NEK5: variants seen among roughly 807,000 people sequenced by gnomAD.
NEK5 encodes the protein NIMA related kinase 5, also known as serine/threonine-protein kinase Nek5.
Under a neutral mutation model 109.2 loss-of-function variants are expected in NEK5, and 88 were observed. The ratio of observed to expected loss-of-function variants is 0.81; its 90% CI spans 0.68 to 0.96. The LOEUF (loss-of-function observed/expected upper bound fraction) is 0.96. Ranked by LOEUF, NEK5 falls within the 40% of genes least tolerant of loss-of-function variation. The probability of loss-of-function intolerance (pLI) is 0.00; values close to 1 mark genes in which losing one functional copy is unlikely to be tolerated. For missense variants in NEK5, 834 were observed against 920.7 expected, an observed-to-expected ratio of 0.91 and a Z score of 1.22; for synonymous variants, 283 against 299.9, an observed-to-expected ratio of 0.94 and a Z score of 0.58.
At chr13:52,050,737 T>TTG (rs1355095380) in intron 22 of NEK5, among the ~76,000 whole-genome samples, 129 of 149,866 alleles carry the variant, frequency 8.6e-4, no homozygotes, top group African/African-American at 3.0e-3. Context: ...TTTTTTTTTT[T>TTG]GAGACAGAGT....
At chr13:52,083,216 C>T in intron 17 of NEK5, 44 bp downstream of exon 17, 1 of 1,327,340 alleles carries the variant, frequency 7.5e-7, no homozygotes. Flanking sequence ...TGGGGTAGAG[C>T]ACACACACTG....
In NEK5 at chr13:52,112,313, C is replaced by T; in HGVS notation, c.267G>A (p.Met89Ile). The T allele has an allele frequency of 6.2e-7, 1 of 1,611,834 alleles. No individual in the cohort carries two copies. The highest frequency in any genetic ancestry group is 8.5e-7 in the Non-Finnish European group (1 of 1,178,096). ...VMEYCDGGDL[M>I]KRINRQRGVL... ...CACCCCGTTGTCTATTGATCCTTTT[C>T]ATGAGATCCCCTCCATCACAATATT... Residue 89 changes from methionine (M) to isoleucine (I), a missense_variant, in exon 5 of 24, where the codon ATG becomes ATA. By Grantham distance (10) the Met-to-Ile change is conservative (BLOSUM62 1). Around this residue, in one of 2 missense-constraint regions of NEK5, gnomAD observed 777 missense variants for 824.7 expected, o/e 0.94. Transcript: ENST00000684899.
At chr13:52,127,112 G>A (rs192250228) in intron 3 of NEK5, among the ~76,000 whole-genome samples, 2 of 152,192 alleles carry the variant, frequency 1.3e-5, no homozygotes, top group African/African-American at 4.8e-5. Context: ...TCGAACTCCT[G>A]GCTTCACACA....
At chr13:52,060,270 A>T (rs1954600235) in intron 22 of NEK5, among the ~76,000 whole-genome samples, 1 of 152,228 alleles carries the variant, frequency 6.6e-6, no homozygotes. Flanking sequence ...TCAAAATATT[A>T]TAAAATGTGT....
At chr13:52,074,577 G>T (rs549634797) in intron 19 of NEK5, among the ~76,000 whole-genome samples, 23 of 152,118 alleles carry the variant, frequency 1.5e-4, no homozygotes, top group African/African-American at 4.3e-4. Flanking sequence ...CCTTGGGAAA[G>T]AATTTGTGAT....
chr13:52,118,112 A>G (rs1955897077), intron 4 of NEK5, among the ~76,000 whole-genome samples: 1 of 152,234 alleles, frequency 6.6e-6, no homozygotes, highest in Non-Finnish European at 1.5e-5. Context: ...CCTTGAATGT[A>G]GCGGTTTTAA....
intron 20 of NEK5, among the ~76,000 whole-genome samples, chr13:52,068,848 C>T (rs1276908382): frequency 4.0e-5 from 6 of 151,898 alleles, no homozygotes; most frequent in South Asian, 4.1e-4. Flanking sequence ...TGGCGCGCAC[C>T]TATGCCAGCT....
intron 23 of NEK5, among the ~76,000 whole-genome samples, chr13:52,039,138 G>A (rs61958804): frequency 0.56 from 84,544 of 152,000 alleles, 26,329 homozygotes; most frequent in Non-Finnish European, 0.7. Flanking sequence ...TAGGGAGAGA[G>A]AAGGAGAGAA....
At chr13:52,117,280 G>A (rs531858588) in intron 4 of NEK5, among the ~76,000 whole-genome samples, 1 of 152,154 alleles carries the variant, frequency 6.6e-6, no homozygotes, top group Admixed American at 6.5e-5. Flanking sequence ...AGAGATAAGC[G>A]ATTTGAGGGA....
chr13:52,051,807 A>C (rs1444260330), intron 22 of NEK5, among the ~76,000 whole-genome samples: 2 of 152,226 alleles, frequency 1.3e-5, no homozygotes, highest in Non-Finnish European at 2.9e-5. Flanking sequence ...CAATTTGCCC[A>C]CAGGGAAGTT....
In NEK5 at chr13:52,089,287, A is replaced by G. The variant is rs890999498; in HGVS notation, c.1235T>C (p.Phe412Ser). Residue 412 changes from phenylalanine to serine, a missense_variant, in exon 14 of 24, where the codon TTT becomes TCT. Transcript: ENST00000684899. ...TTTCAACTTATATTGTTGAGCTTCA[A>G]ATTTTCTCTGAAGGTACTCAGCAGG... ...QWPAEYLQRK[F>S]EAQQYKLKVE... is the part of the protein sequence containing the mutation. 9.3e-6 allele frequency: 15 copies of G among 1,609,244 alleles called. No individual in the cohort carries two copies. In the African/African-American group the frequency reaches 1.3e-4, roughly 14 times the overall value.
chr13:52,091,875 T>G (rs530492078), intron 13 of NEK5, among the ~76,000 whole-genome samples: 23 of 152,354 alleles, frequency 1.5e-4, no homozygotes, highest in African/African-American at 5.3e-4. Flanking sequence ...AACATGTCCA[T>G]ATTTTGAAAA....
intron 9 of NEK5, among the ~76,000 whole-genome samples, chr13:52,103,148 GCCGGGCATGGTGGCT>G (rs1955576125): frequency 6.6e-6 from 1 of 152,106 alleles, no homozygotes; most frequent in Admixed American, 6.5e-5. Flanking sequence ...GTACACATTG[GCCGGGCATGGTGGCT>G]CACGCCTGTA....
At chr13:52,089,580 G>C (rs536911421) in intron 13 of NEK5, among the ~76,000 whole-genome samples, 1 of 152,142 alleles carries the variant, frequency 6.6e-6, no homozygotes, top group African/African-American at 2.4e-5. Flanking sequence ...TTTTCTTCAG[G>C]ACAAGATTCA....
chr13:52,087,276 A>G (rs1182570868), intron 15 of NEK5, 62 bp downstream of exon 15: 3 of 836,830 alleles, frequency 3.6e-6, no homozygotes, highest in South Asian at 2.9e-5. Flanking sequence ...TCCCTATTAC[A>G]GTACAAAAGA....
intron 22 of NEK5, among the ~76,000 whole-genome samples, chr13:52,055,369 C>T (rs1304875403): frequency 6.6e-6 from 1 of 152,150 alleles, no homozygotes; most frequent in East Asian, 1.9e-4. Flanking sequence ...AGTTGGAAAA[C>T]ACTCTGCAGG....
chr13:52,123,717 A>T (rs964387261), intron 3 of NEK5, among the ~76,000 whole-genome samples: 21 of 152,348 alleles, frequency 1.4e-4, no homozygotes, highest in African/African-American at 5.1e-4. Flanking sequence ...CAGCCAAAGC[A>T]TGTCCAGAAA....
chr13:52,064,189 C>T (rs1954646156), intron 21 of NEK5, among the ~76,000 whole-genome samples: 1 of 143,618 alleles, frequency 7.0e-6, no homozygotes, highest in Non-Finnish European at 1.5e-5. Context: ...GGGGGTCAGC[C>T]CCCCGCCCGG....
intron 17 of NEK5, 32 bp from the exon 18 acceptor site, chr13:52,076,175 A>AAT: frequency 8.1e-7 from 1 of 1,232,384 alleles, no homozygotes; most frequent in Non-Finnish European, 1.2e-6. Context: ...CAATTCTCTC[A>AAT]CTGTATGTTT....
Sources: gnomAD v4.1 joint callset for allele counts (sites outside exome capture counted in the v4.1 genomes callset) on GRCh38, gnomAD v4.1.1 for gene constraint, gnomAD v4.1.1 regional missense constraint, MANE v1.5 for transcripts, NCBI Gene and HGNC (gene_info 2026-07-23, HGNC 2026-07-21) for gene names.